Variants in ZNF395 observed in about 807,000 individuals in gnomAD.
ZNF395 encodes the protein HD gene regulatory region-binding protein 2.
A neutral mutation model predicts 57.7 loss-of-function variants in ZNF395; 20 were observed. The observed-to-expected ratio is 0.35, with a 90% CI of 0.24 to 0.50. ZNF395 has a LOEUF of 0.50. Ranked by LOEUF, ZNF395 falls within the 20% of genes least tolerant of loss-of-function variation. ZNF395 has a pLI of 0.97. For missense variants in ZNF395, 606 were observed against 671.2 expected (o/e 0.90, Z 1.07); for synonymous variants, 295 against 275.9 (o/e 1.07, Z -0.69).
intron 2 of ZNF395, among the ~76,000 whole-genome samples, 156 bp downstream of exon 2, chr8:28,360,729 T>C (rs1013718333): frequency 2.0e-5 from 3 of 152,174 alleles, no homozygotes; most frequent in Admixed American, 6.5e-5. Flanking sequence ...TCATATTCTC[T>C]TGGGCGATCT....
At chr8:28,350,013 G>A in intron 8 of ZNF395, 51 bp downstream of exon 8, 1 of 1,488,782 alleles carries the variant, frequency 6.7e-7, no homozygotes, top group South Asian at 1.3e-5. Context: ...TGGGATGTGT[G>A]GGAGAGCCCT....
At chr8:28,381,948 T>C (rs945353297) in intron 1 of ZNF395, among the ~76,000 whole-genome samples, 1 of 152,166 alleles carries the variant, frequency 6.6e-6, no homozygotes, top group Non-Finnish European at 1.5e-5. Flanking sequence ...TTGACTTGCC[T>C]AAAACAAATC....
At chr8:28,385,918 C>T (rs899626264) in intron 1 of ZNF395, 2 of 145,554 alleles carry the variant, frequency 1.4e-5, no homozygotes, top group African/African-American at 4.9e-5. Flanking sequence ...GCCGCCGGCC[C>T]GACAGCCGCG....
intron 2 of ZNF395, 43 bp downstream of exon 2, chr8:28,360,842 G>A (rs571961565): frequency 6.2e-7 from 1 of 1,603,430 alleles, no homozygotes; most frequent in East Asian, 2.2e-5. Flanking sequence ...CCTACCCCAA[G>A]ACTGGCAAGA....
chr8:28,376,576 G>A (rs1468400101), intron 1 of ZNF395, among the ~76,000 whole-genome samples: 1 of 151,838 alleles, frequency 6.6e-6, no homozygotes, highest in African/African-American at 2.4e-5. Flanking sequence ...AGCTGAGATC[G>A]CACCACTGTA....
In ZNF395 at chr8:28,386,432, C is replaced by T. The variant is rs921180717; in HGVS notation, c.-98G>A. On this transcript the variant is annotated 5_prime_UTR_variant, in exon 1 of 10. Coordinates refer to ENST00000344423, the MANE Select transcript of ZNF395 (RefSeq NM_018660.3). ...AGACAGTCGGCGCTCAATAAGTGCCCGAGCGACTCCTCGCGCACATGCGCA... is the reference window on the plus strand; with the variant it reads ...AGACAGTCGGCGCTCAATAAGTGCCTGAGCGACTCCTCGCGCACATGCGCA... The T allele has an allele frequency of 2.0e-5, 3 of 151,350 alleles. No homozygotes were observed. In the East Asian group the frequency reaches 5.9e-4, roughly 30 times the overall value. 9.4% of individuals were successfully genotyped at this position (151,350 alleles called of 1,614,324 possible).
At position 28,356,600 on chromosome 8, in the gene ZNF395, G is replaced by T; in HGVS notation, c.583+70C>A. On this transcript the variant is annotated intron_variant, in intron 4 of 9. Coordinates refer to ENST00000344423, the MANE Select transcript of ZNF395 (RefSeq NM_018660.3). The surrounding 1 kb of genome is among the most constrained non-coding windows in gnomAD (Gnocchi z 4.0). ...AGGCTGGTGACATAGGCAACTAGCT[G>T]CTCTGCACAGAGGATGTTTGTCGTG... The T allele has an allele frequency of 2.5e-6, 3 of 1,198,460 alleles. No homozygotes were observed. Among genetic ancestry groups the T allele is most frequent in the Non-Finnish European group, 3.6e-6 (3 of 826,014 alleles). 74.2% of individuals were successfully genotyped at this position (1,198,460 alleles called of 1,614,324 possible).
intron 1 of ZNF395, among the ~76,000 whole-genome samples, chr8:28,366,374 T>G (rs138093376): frequency 6.6e-6 from 1 of 152,190 alleles, no homozygotes; most frequent in African/African-American, 2.4e-5. Context: ...CAATTTTTCC[T>G]TTAAATCTAT....
intron 1 of ZNF395, among the ~76,000 whole-genome samples, chr8:28,363,575 T>C (rs1316263755): frequency 6.6e-6 from 1 of 152,096 alleles, no homozygotes; most frequent in Non-Finnish European, 1.5e-5. Flanking sequence ...TGTAGAGACA[T>C]GAGATGGCAG....
chr8:28,368,180 G>A (rs1801934618), intron 1 of ZNF395, among the ~76,000 whole-genome samples: 1 of 152,198 alleles, frequency 6.6e-6, no homozygotes, highest in Non-Finnish European at 1.5e-5. Flanking sequence ...AGCCAGGACT[G>A]GAGGGAGGGA....
Position 28,351,479 on chromosome 8 carries a change from G to T in ZNF395, c.1233+16C>A. ...TCAGCTATGAGCCTGAGCCTCCAGC[G>T]AGCCCCGCCCCATACCTGGTATGCA... is the stretch of plus-strand genomic sequence containing the variant. On this transcript the variant is annotated intron_variant, in intron 7 of 9. Coordinates refer to ENST00000344423, the MANE Select transcript of ZNF395 (RefSeq NM_018660.3). 2.5e-6 allele frequency: 4 copies of T among 1,568,858 alleles called. No homozygotes were observed. Among genetic ancestry groups the T allele is most frequent in the Admixed American group, 1.8e-5 (1 of 54,794 alleles).
intron 1 of ZNF395, among the ~76,000 whole-genome samples, chr8:28,383,039 T>C (rs147210718): frequency 3.3e-5 from 5 of 152,346 alleles, no homozygotes; most frequent in African/African-American, 9.6e-5. Context: ...GACACTGCTT[T>C]ACAATGAGTA....
chr8:28,361,016 G>A lies in ZNF395; in HGVS notation c.109C>T (p.Leu37=). 4 of 1,610,796 alleles carry A rather than the reference G, an allele frequency of 2.5e-6. No individual in the cohort carries two copies. The highest frequency in any genetic ancestry group is 3.4e-6 in the Non-Finnish European group (4 of 1,178,330). ...GPSAAPPSEP[L]LEGAAPQPFT... is the part of the protein sequence containing the mutation. Reference sequence around the variant, plus strand: ...GGCTGGGGAGCGGCCCCTTCTAGCAGTGGCTCCGAGGGTGGGGCAGCCGAG... The same window carrying A: ...GGCTGGGGAGCGGCCCCTTCTAGCAATGGCTCCGAGGGTGGGGCAGCCGAG... Residue 37 remains leucine, a synonymous_variant, in exon 2 of 10, where the codon CTG becomes TTG. Transcript: ENST00000344423.
chr8:28,363,466 T>C (rs759865243), intron 1 of ZNF395, among the ~76,000 whole-genome samples: 60 of 152,260 alleles, frequency 3.9e-4, no homozygotes, highest in African/African-American at 1.3e-3. Context: ...GTCACCTACA[T>C]ACCTTCGTCT....
intron 1 of ZNF395, among the ~76,000 whole-genome samples, chr8:28,384,130 T>A (rs978190092): frequency 4.6e-5 from 7 of 152,152 alleles, no homozygotes; most frequent in Non-Finnish European, 8.8e-5. Flanking sequence ...CACTGATGTG[T>A]CCCCCTAACA....
chr8:28,376,883 T>C (rs1444950751), intron 1 of ZNF395, among the ~76,000 whole-genome samples: 1 of 152,198 alleles, frequency 6.6e-6, no homozygotes, highest in Non-Finnish European at 1.5e-5. Flanking sequence ...CACCCCAAAA[T>C]TGCTTCATCC....
Position 28,350,070 on chromosome 8 carries a change from G to A in ZNF395, c.1320C>T (p.Leu440=). ...GTGCTGCCCGCACACTCACCGGAGA[G>A]AGAGAGCAGGCGGCGGAGGGGGCAG... ...WAAAPSAACS[L]SPVRSRSLSF... Residue 440 remains leucine (L), a synonymous_variant, in exon 8 of 10, where the codon CTC becomes CTT. Coordinates refer to ENST00000344423, the MANE Select transcript of ZNF395 (RefSeq NM_018660.3). 6.2e-7 allele frequency: 1 copy of A among 1,601,530 alleles called. No individual in the cohort carries two copies. Among genetic ancestry groups the A allele is most frequent in the Non-Finnish European group, 8.5e-7 (1 of 1,176,422 alleles).
chr8:28,361,113 G>T lies in ZNF395; in HGVS notation c.12C>A (p.Val4=). ...ACCGCTTTCCAAGGCGTCGGGACAG[G>T]ACACTCGCCATGCTGCTGCCTCTCC... MAS[V]LSRRLGKRSL... is the part of the protein sequence containing the mutation. The change falls in exon 2 of 10, where the codon GTC becomes GTA. Residue 4 remains valine, a synonymous_variant. Transcript: ENST00000344423. The T allele has an allele frequency of 6.2e-7, 1 of 1,612,244 alleles. No individual in the cohort carries two copies.
intron 1 of ZNF395, among the ~76,000 whole-genome samples, chr8:28,362,630 C>T (rs998468151): frequency 6.6e-6 from 1 of 152,118 alleles, no homozygotes; most frequent in Admixed American, 6.5e-5. Context: ...CTGCATAAGC[C>T]TTCTTTCCTT....
Sources: allele counts gnomAD v4.1 joint callset (sites outside exome capture counted in the v4.1 genomes callset), GRCh38; gene constraint gnomAD v4.1.1; non-coding constraint Gnocchi (gnomAD v3.1); transcripts MANE v1.5; gene names NCBI Gene and HGNC (gene_info 2026-07-23, HGNC 2026-07-21).